Variants in PDE12 observed in about 807,000 individuals in gnomAD.
The protein encoded by PDE12 is phosphodiesterase 12.
In PDE12, 26 loss-of-function variants were observed where a neutral mutation model predicts 45.4. That is an observed-to-expected ratio of 0.57 (90% CI 0.42 to 0.79). The LOEUF is 0.79. Among genes scored for constraint, PDE12 ranks in the 30% least tolerant of loss-of-function variants. The probability of loss-of-function intolerance (pLI) is 0.00; values close to 1 mark genes in which losing one functional copy is unlikely to be tolerated. For missense variants in PDE12, 668 were observed against 790.0 expected (o/e 0.85, Z 1.85); for synonymous variants, 283 against 323.9 (o/e 0.87, Z 1.36).
At chr3:57,630,396 T>G in the PDE12 span, 1 of 1,550,600 alleles carries the variant, frequency 6.4e-7, no homozygotes, top group Admixed American at 2.3e-5. Context: ...TTGTTAATCA[T>G]TACACAAACA....
chr3:57,644,817 A>T, the PDE12 span, among the ~76,000 whole-genome samples: 1 of 34,706 alleles, frequency 2.9e-5, no homozygotes, highest in Non-Finnish European at 5.1e-5. Flanking sequence ...AGGGGAGGGG[A>T]GGGGGAAAGA....
At chr3:57,629,673 G>A in the PDE12 span, among the ~76,000 whole-genome samples, 3 of 149,728 alleles carry the variant, frequency 2.0e-5, no homozygotes, top group Non-Finnish European at 4.4e-5. Context: ...CACCACGCCC[G>A]GCTAATTTTT....
In PDE12 at chr3:57,556,335, C is replaced by A. The variant is rs755932693; in HGVS notation, c.-45C>A. On this transcript the variant is annotated 5_prime_UTR_variant, in exon 1 of 3. Transcript: ENST00000311180. This position sits in a 1 kb window ranked among gnomAD's most constrained non-coding sequence, Gnocchi z 5.0. Reference sequence around the variant, plus strand: ...TCCTCAGCTCCACCTGACAGTAGGCCGCTGATCGGCCGCGGGTCTTGTCGA... The same window carrying A: ...TCCTCAGCTCCACCTGACAGTAGGCAGCTGATCGGCCGCGGGTCTTGTCGA... 6 of 1,506,564 alleles carry A rather than the reference C, an allele frequency of 4.0e-6. No homozygotes were observed. Among genetic ancestry groups the A allele is most frequent in the Non-Finnish European group, 5.3e-6 (6 of 1,125,646 alleles). 93.3% of individuals were successfully genotyped at this position (1,506,564 alleles called of 1,614,324 possible). A position where few individuals can be genotyped will look rare whatever the true frequency, so the allele number is the denominator to read the frequency against.
the PDE12 span, among the ~76,000 whole-genome samples, chr3:57,623,525 A>G: frequency 6.6e-6 from 1 of 152,002 alleles, no homozygotes; most frequent in Non-Finnish European, 1.5e-5. Context: ...CTAAAAGTAC[A>G]AAAATTAGCT....
rs773723936 is a variant in PDE12, at chr3:57,556,362, C to A, written c.-18C>A. 77 of 1,543,306 alleles carry A rather than the reference C, an allele frequency of 5.0e-5. No individual in the cohort carries two copies. In the East Asian group the frequency reaches 1.0e-3, roughly 21 times the overall value. On this transcript the variant is annotated 5_prime_UTR_variant, in exon 1 of 3. Transcript: ENST00000311180. The surrounding 1 kb of genome is among the most constrained non-coding windows in gnomAD (Gnocchi z 5.0). Reference sequence around the variant, plus strand: ...CTGATCGGCCGCGGGTCTTGTCGACCGCTAGGCCACCAGGTTCATGTGGAG... The same window carrying A: ...CTGATCGGCCGCGGGTCTTGTCGACAGCTAGGCCACCAGGTTCATGTGGAG...
At chr3:57,652,729 G>A in the PDE12 span, among the ~76,000 whole-genome samples, 1 of 152,108 alleles carries the variant, frequency 6.6e-6, no homozygotes, top group African/African-American at 2.4e-5. Flanking sequence ...AACAAGTCAA[G>A]CTCAACTTAT....
chr3:57,652,397 G>C, the PDE12 span, among the ~76,000 whole-genome samples: 1 of 152,208 alleles, frequency 6.6e-6, no homozygotes, highest in South Asian at 2.1e-4. Context: ...GCCTTGTAGG[G>C]AAGCAGACTC....
chr3:57,646,204 A>G, the PDE12 span: 4 of 1,437,404 alleles, frequency 2.8e-6, no homozygotes, highest in Non-Finnish European at 3.7e-6. Context: ...GATCAATGCA[A>G]TAATGGGTGG....
chr3:57,596,860 GCCCTGT>G, the PDE12 span: 1 of 558,980 alleles, frequency 1.8e-6, no homozygotes, highest in Non-Finnish European at 3.2e-6. Flanking sequence ...CTTGCCCGAA[GCCCTGT>G]CCCTGTCTCG....
Position 57,559,770 on chromosome 3 carries a change from G to A in PDE12, c.1596G>A (p.Met532Ile). Residue 532 changes from methionine (M) to isoleucine (I), a missense_variant, in exon 3 of 3, where the codon ATG (methionine) becomes ATA (isoleucine). Coordinates refer to ENST00000311180, the MANE Select transcript of PDE12 (RefSeq NM_177966.7). The stretch of plus-strand genomic sequence containing the variant: ...ATGGGGAGGAGGAAAGATGCAATAT[G>A]TCTCTTACACATTTCTTCAAGCTGA... ...ASNGEEERCN[M>I]SLTHFFKLKS... 2.5e-6 allele frequency: 4 copies of A among 1,614,230 alleles called. No individual in the cohort carries two copies. The highest frequency in any genetic ancestry group is 3.4e-6 in the Non-Finnish European group (4 of 1,180,032).
At chr3:57,619,347 CAAA>C in the PDE12 span, 1 of 153,152 alleles carries the variant, frequency 6.5e-6, no homozygotes, top group African/African-American at 2.4e-5. Flanking sequence ...GACTCCATCT[CAAA>C]AACAAAACAA....
the PDE12 span, among the ~76,000 whole-genome samples, chr3:57,618,332 AAATC>A: frequency 6.6e-6 from 1 of 152,212 alleles, no homozygotes; most frequent in Admixed American, 6.6e-5. Context: ...GGTTTAACAT[AAATC>A]AATCATATTT....
the PDE12 span, among the ~76,000 whole-genome samples, chr3:57,640,208 G>A: frequency 1.3e-5 from 2 of 150,646 alleles, no homozygotes; most frequent in Non-Finnish European, 3.0e-5. Flanking sequence ...AGCAGAGATT[G>A]CAGTGAGCCG....
the PDE12 span, among the ~76,000 whole-genome samples, chr3:57,642,895 A>G: frequency 6.6e-6 from 1 of 151,896 alleles, no homozygotes; most frequent in Non-Finnish European, 1.5e-5. Context: ...AATCCCAGCT[A>G]CTGGGGAGGC....
chr3:57,577,291 G>A, the PDE12 span: 3 of 1,586,434 alleles, frequency 1.9e-6, no homozygotes, highest in Non-Finnish European at 1.7e-6. Context: ...CCTTGAAAAT[G>A]ATGAATTTAA....
At chr3:57,598,974 A>G in the PDE12 span, among the ~76,000 whole-genome samples, 1 of 152,180 alleles carries the variant, frequency 6.6e-6, no homozygotes, top group African/African-American at 2.4e-5. Flanking sequence ...GCCTCAGTTA[A>G]TTTAGAAAGT....
the PDE12 span, among the ~76,000 whole-genome samples, chr3:57,605,929 T>C: frequency 6.6e-6 from 1 of 151,922 alleles, no homozygotes; most frequent in Non-Finnish European, 1.5e-5. Flanking sequence ...CTCATAGAAA[T>C]AGGAACTATT....
the PDE12 span, chr3:57,628,777 G>T: frequency 1.9e-6 from 3 of 1,594,222 alleles, no homozygotes; most frequent in Non-Finnish European, 2.6e-6. Flanking sequence ...TCAAAGAAAA[G>T]TCAATTTAAT....
At chr3:57,624,756 TCC>T in the PDE12 span, among the ~76,000 whole-genome samples, 2 of 150,402 alleles carry the variant, frequency 1.3e-5, no homozygotes, top group Non-Finnish European at 3.0e-5. Flanking sequence ...AGTGCAAGAC[TCC>T]GTCTCAAGAA....
Sources: gnomAD v4.1 joint callset for allele counts (sites outside exome capture counted in the v4.1 genomes callset) on GRCh38, gnomAD v4.1.1 for gene constraint, Gnocchi (gnomAD v3.1) non-coding constraint, MANE v1.5 for transcripts, NCBI Gene and HGNC (gene_info 2026-07-23, HGNC 2026-07-21) for gene names.